Variants in UNC5D observed in about 807,000 individuals in gnomAD.
UNC5D encodes the protein netrin receptor UNC5D.
UNC5D carries 39 observed loss-of-function variants against 105.4 expected under a neutral mutation model. The observed-to-expected ratio is 0.37, with a 90% CI of 0.29 to 0.48. UNC5D has a LOEUF of 0.48. Ranked by LOEUF, UNC5D falls within the 20% of genes least tolerant of loss-of-function variation. The probability of loss-of-function intolerance (pLI) is 0.98; values close to 1 mark genes in which losing one functional copy is unlikely to be tolerated. For missense variants in UNC5D, 991 were observed against 1,202.4 expected (o/e 0.82, Z 2.60); for synonymous variants, 452 against 450.4 (o/e 1.00, Z -0.04).
chr8:35,511,020 G>A (rs571479871), intron 1 of UNC5D, among the ~76,000 whole-genome samples: 1 of 152,156 alleles, frequency 6.6e-6, no homozygotes, highest in African/African-American at 2.4e-5. Context: ...TCATTTTGTT[G>A]TTGTTGGTCT....
At chr8:35,444,274 C>A (rs925309723) in intron 1 of UNC5D, among the ~76,000 whole-genome samples, 1 of 151,956 alleles carries the variant, frequency 6.6e-6, no homozygotes, top group East Asian at 1.9e-4. Context: ...CTTACTGAAC[C>A]GAGTGATAAG....
chr8:35,596,558 C>T (rs573786735), intron 4 of UNC5D, among the ~76,000 whole-genome samples: 8 of 152,184 alleles, frequency 5.3e-5, no homozygotes, highest in South Asian at 4.2e-4. Context: ...GAGGTCCTGA[C>T]GACATGTGCC....
intron 1 of UNC5D, among the ~76,000 whole-genome samples, chr8:35,480,798 T>C (rs893162016): frequency 2.6e-5 from 4 of 152,324 alleles, no homozygotes; most frequent in African/African-American, 9.6e-5. Context: ...ACTGTTCATA[T>C]GGAATAATAA....
intron 2 of UNC5D, among the ~76,000 whole-genome samples, chr8:35,562,071 A>G (rs572287426): frequency 9.2e-5 from 14 of 151,870 alleles, no homozygotes; most frequent in Non-Finnish European, 1.5e-4. Context: ...TCTACTCTCT[A>G]TTTTCATGAG....
At chr8:35,526,517 G>T (rs1489319323) in intron 1 of UNC5D, among the ~76,000 whole-genome samples, 1 of 152,134 alleles carries the variant, frequency 6.6e-6, no homozygotes, top group African/African-American at 2.4e-5. Flanking sequence ...TGGGTTAGAG[G>T]TAGGGACTAC....
intron 7 of UNC5D, among the ~76,000 whole-genome samples, chr8:35,701,270 A>G (rs576698275): frequency 4.8e-4 from 73 of 152,312 alleles, no homozygotes; most frequent in African/African-American, 1.7e-3. Context: ...GCAGTATTCA[A>G]AACCAGTGGG....
chr8:35,587,872 T>C (rs190370586), intron 3 of UNC5D, among the ~76,000 whole-genome samples: 1 of 150,288 alleles, frequency 6.7e-6, no homozygotes, highest in Non-Finnish European at 1.5e-5. Context: ...CAGAAACAGA[T>C]AAAGGAGATA....
chr8:35,425,472 C>G (rs77180697), intron 1 of UNC5D, among the ~76,000 whole-genome samples: 1 of 152,094 alleles, frequency 6.6e-6, no homozygotes, highest in Non-Finnish European at 1.5e-5. Flanking sequence ...ACCCCCACCC[C>G]GGTTAAAACA....
chr8:35,238,409 T>C (rs988376582), intron 1 of UNC5D, among the ~76,000 whole-genome samples: 2 of 152,224 alleles, frequency 1.3e-5, no homozygotes, highest in African/African-American at 4.8e-5. Flanking sequence ...CCTTTGTAAG[T>C]AAGACTTAGC....
intron 1 of UNC5D, among the ~76,000 whole-genome samples, chr8:35,450,887 A>G (rs1188840709): frequency 6.6e-6 from 1 of 152,186 alleles, no homozygotes; most frequent in African/African-American, 2.4e-5. Context: ...ATGATAGGCT[A>G]AAGTAAGTGC....
In UNC5D at chr8:35,271,323, GCA is replaced by G. The variant is rs1280834014; in HGVS notation, c.103+35437_103+35438del. Reference sequence around the variant, plus strand: ...CACACATGCACGTGTGTATGTATATGCATACACACGTGCATGTGTGTATGTAT... The same window carrying G: ...CACACATGCACGTGTGTATGTATATGTACACACGTGCATGTGTGTATGTAT... On this transcript the variant is annotated intron_variant, in intron 1 of 16. Coordinates refer to ENST00000404895, the MANE Select transcript of UNC5D (RefSeq NM_080872.4). Among the ~76,000 whole-genome samples, 1,026 of 109,136 alleles carry G rather than the reference GCA, an allele frequency of 9.4e-3. 26 individuals are homozygous for G. The highest frequency in any genetic ancestry group is 9.7e-3 in the Non-Finnish European group (525 of 54,098). 71.6% of individuals were successfully genotyped at this position (109,136 alleles called of 152,430 possible).
intron 1 of UNC5D, among the ~76,000 whole-genome samples, chr8:35,452,825 G>T (rs958953544): frequency 1.3e-5 from 2 of 152,178 alleles, no homozygotes; most frequent in African/African-American, 4.8e-5. Flanking sequence ...TATGTGAAAG[G>T]TTTCTAATGG....
intron 3 of UNC5D, among the ~76,000 whole-genome samples, chr8:35,571,406 G>C (rs1291901996): frequency 1.3e-5 from 2 of 152,282 alleles, no homozygotes; most frequent in African/African-American, 4.8e-5. Flanking sequence ...TAGCAAGTGA[G>C]AGGTTTTTTA....
chr8:35,343,233 T>G (rs111832072), intron 1 of UNC5D, among the ~76,000 whole-genome samples: 1 of 152,120 alleles, frequency 6.6e-6, no homozygotes, highest in African/African-American at 2.4e-5. Context: ...CTCTCCTCTT[T>G]TTCTTTCCTG....
rs540858357 is a variant in UNC5D, at chr8:35,693,610, A to G, written c.1084+6901A>G. ...TCATGGATCTGTGCCACAGGTACAGAGCTAAGACACAAGAGCCTAGGTAAG... is the reference window on the plus strand; with the variant it reads ...TCATGGATCTGTGCCACAGGTACAGGGCTAAGACACAAGAGCCTAGGTAAG... On this transcript the variant is annotated intron_variant, in intron 7 of 16. Coordinates refer to ENST00000404895, the MANE Select transcript of UNC5D (RefSeq NM_080872.4). 1.4e-3 allele frequency among the ~76,000 whole-genome samples: 206 copies of G among 152,258 alleles called. 1 individual carries two copies. Among genetic ancestry groups the G allele is most frequent in the Non-Finnish European group, 2.5e-3 (173 of 68,026 alleles).
At chr8:35,576,599 GTTGTTTGTTTGT>G (rs59553994) in intron 3 of UNC5D, among the ~76,000 whole-genome samples, 9 of 151,990 alleles carry the variant, frequency 5.9e-5, no homozygotes, top group South Asian at 2.1e-4. Context: ...GACTAACAGA[GTTGTTTGTTTGT>G]TTGTTTGTTT....
intron 1 of UNC5D, among the ~76,000 whole-genome samples, chr8:35,411,420 G>A (rs1374298806): frequency 1.3e-5 from 2 of 151,982 alleles, no homozygotes; most frequent in African/African-American, 2.4e-5. Flanking sequence ...TAATTTGAGA[G>A]TAGCAGCACT....
intron 1 of UNC5D, among the ~76,000 whole-genome samples, chr8:35,507,049 CTTTTTTTTTT>C (rs71215631): frequency 1.6e-4 from 12 of 76,192 alleles, no homozygotes; most frequent in Non-Finnish European, 2.9e-4. Flanking sequence ...CAGGGCTTTT[CTTTTTTTTTT>C]TTTTTTTTTT....
At chr8:35,744,229 C>T (rs1012623893) in intron 11 of UNC5D, among the ~76,000 whole-genome samples, 1 of 152,190 alleles carries the variant, frequency 6.6e-6, no homozygotes, top group Non-Finnish European at 1.5e-5. Context: ...TTCTCTGTGT[C>T]CTGTCGGGAG....
Sources: allele counts gnomAD v4.1 joint callset (sites outside exome capture counted in the v4.1 genomes callset), GRCh38; gene constraint gnomAD v4.1.1; transcripts MANE v1.5; gene names NCBI Gene and HGNC (gene_info 2026-07-23, HGNC 2026-07-21).